Variants in FHL1 observed in about 807,000 individuals in gnomAD.
The protein encoded by FHL1 is four and a half LIM domains 1.
FHL1 carries 1 observed loss-of-function variant against 20.3 expected under a neutral mutation model. The observed-to-expected ratio is 0.05, with a 90% confidence interval of 0.02 to 0.23. The LOEUF (loss-of-function observed/expected upper bound fraction) is 0.23, where lower values mean the gene tolerates loss of function less well. FHL1 is among the 10% of genes least tolerant of loss of function. The pLI, the probability that FHL1 is intolerant of heterozygous loss-of-function variation, is 1.00. For missense variants in FHL1, 177 were observed against 234.0 expected (o/e 0.76, Z 1.59); for synonymous variants, 82 against 88.9 (o/e 0.92, Z 0.44).
At position 136,197,150 on chromosome X, in the gene FHL1, C is replaced by G. The variant is rs753175087; in HGVS notation, c.22+16C>G. 1.7e-6 allele frequency: 2 copies of G among 1,202,879 alleles called. No homozygotes were observed. The highest frequency in any genetic ancestry group is 3.6e-5 in the South Asian group (2 of 56,195). On this transcript the variant is annotated intron_variant, in intron 1 of 5. Coordinates refer to ENST00000370683, the MANE Select transcript of FHL1 (RefSeq NM_001159699.2). ...AGACACTCAGGTAAAACTTCATGCT[C>G]TTTATCTTATATTGAGCACAGTTTT...
chrX:136,208,061 C>A, intron 4 of FHL1, 100 bp downstream of exon 4: 1 of 988,392 alleles, frequency 1.0e-6, no homozygotes, highest in Non-Finnish European at 1.4e-6. Context: ...ATCCTCACGA[C>A]AGCCCTGTGA....
At chrX:136,201,124 A>G (rs1326522828) in intron 1 of FHL1, among the ~76,000 whole-genome samples, 1 of 112,227 alleles carries the variant, frequency 8.9e-6, no homozygotes, top group East Asian at 2.8e-4. Flanking sequence ...AGATTGCACC[A>G]TTGCACTGCA....
At chrX:136,163,115 C>G (rs1457192883) in intron 1 of FHL1, among the ~76,000 whole-genome samples, 1 of 112,107 alleles carries the variant, frequency 8.9e-6, no homozygotes, top group African/African-American at 3.2e-5. Context: ...TTTAATCACC[C>G]CACCTCTTAG....
intron 1 of FHL1, among the ~76,000 whole-genome samples, chrX:136,156,049 C>A (rs2072407917): frequency 9.2e-6 from 1 of 109,209 alleles, no homozygotes; most frequent in Non-Finnish European, 1.9e-5. Context: ...AAATGGATTC[C>A]TCTGTATTTA....
upstream of FHL1, among the ~76,000 whole-genome samples, chrX:136,193,912 C>T (rs1391833188): frequency 9.1e-6 from 1 of 110,151 alleles, no homozygotes; most frequent in African/African-American, 3.3e-5. Context: ...CTCTAGCTTT[C>T]GGTCCTACTA....
chrX:136,182,267 A>G (rs899285534), intron 2 of FHL1, among the ~76,000 whole-genome samples: 4 of 112,240 alleles, frequency 3.6e-5, no homozygotes, highest in African/African-American at 1.3e-4. Context: ...TGTTATAGAC[A>G]TAGAATGTTG....
intron 5 of FHL1, chrX:136,209,230 T>C: frequency 1.7e-6 from 2 of 1,195,615 alleles, no homozygotes; most frequent in Non-Finnish European, 2.2e-6. Context: ...GAGAAGACTT[T>C]TGCCATCCTC....
intron 2 of FHL1, among the ~76,000 whole-genome samples, chrX:136,183,543 T>C (rs760214107): frequency 8.9e-6 from 1 of 112,213 alleles, no homozygotes; most frequent in Non-Finnish European, 1.9e-5. Flanking sequence ...TTATGTATTA[T>C]TTTATTAGCG....
rs777450715 is a variant in FHL1 at position 136,154,986 on chromosome X, C to T, written c.-101+7358C>T. On this transcript the variant is annotated intron_variant, in intron 1 of 7. Coordinates refer to the FHL1 transcript ENST00000394155. ...CCTCCCAAAGTGCTGGGATTACAGGCGTGAGCCACCACGCCCGGCCTTAAT... is the reference window on the plus strand; with the variant it reads ...CCTCCCAAAGTGCTGGGATTACAGGTGTGAGCCACCACGCCCGGCCTTAAT... Among the ~76,000 whole-genome samples, 7 of 112,316 alleles carry T rather than the reference C, an allele frequency of 6.2e-5. No individual in the cohort carries two copies. The South Asian group carries it at 1.1e-3, about 18-fold the overall frequency.
chrX:136,196,689 T>A (rs2073563029), upstream of FHL1: 2 of 542,948 alleles, frequency 3.7e-6, no homozygotes, highest in East Asian at 7.3e-5. Flanking sequence ...AGCACAAAAA[T>A]GTATTATTTA....
chrX:136,196,509 C>T (rs1461770102), upstream of FHL1, among the ~76,000 whole-genome samples: 3 of 111,210 alleles, frequency 2.7e-5, no homozygotes, highest in African/African-American at 6.6e-5. Flanking sequence ...GGGGAGATTA[C>T]GATCACTCTC....
intron 2 of FHL1, among the ~76,000 whole-genome samples, chrX:136,206,790 CCCTTG>C (rs2073852244): frequency 2.6e-5 from 3 of 113,457 alleles, no homozygotes; most frequent in South Asian, 7.1e-4. Flanking sequence ...GGCGCCAGCG[CCCTTG>C]CCAGCTCTTT....
At chrX:136,159,786 C>G (rs1451353660) in intron 1 of FHL1, among the ~76,000 whole-genome samples, 2 of 111,834 alleles carry the variant, frequency 1.8e-5, no homozygotes, top group African/African-American at 3.3e-5. Flanking sequence ...ATCATGCCAT[C>G]TTTGCAGTGG....
At chrX:136,201,008 A>C (rs1286058487) in intron 1 of FHL1, among the ~76,000 whole-genome samples, 2 of 111,115 alleles carry the variant, frequency 1.8e-5, no homozygotes, top group Non-Finnish European at 3.8e-5. Context: ...TACTAAAAAT[A>C]CAAAAATTAG....
upstream of FHL1, among the ~76,000 whole-genome samples, chrX:136,196,488 G>A (rs1202453749): frequency 1.8e-5 from 2 of 111,408 alleles, no homozygotes; most frequent in African/African-American, 3.3e-5. Flanking sequence ...GCTGTCTGCC[G>A]TTAAGGAGGT....
chrX:136,157,112 A>G (rs768440933), intron 1 of FHL1, among the ~76,000 whole-genome samples: 1 of 111,722 alleles, frequency 9.0e-6, no homozygotes, highest in East Asian at 2.8e-4. Context: ...TTGTTTTTCA[A>G]CACGTTCTAG....
rs1603271708 is a variant in FHL1 at position 136,207,922 on chromosome X, T to C, written c.510T>C (p.His170=). 2 of 1,212,367 alleles carry C rather than the reference T, an allele frequency of 1.6e-6. No individual in the cohort carries two copies. The highest frequency in any genetic ancestry group is 2.2e-6 in the Non-Finnish European group (2 of 895,592). Reference sequence around the variant, plus strand: ...AGGACTTCTACTGCGTGACTTGCCATGAGACCAAGTTTGCCAAGCATTGCG... The same window carrying C: ...AGGACTTCTACTGCGTGACTTGCCACGAGACCAAGTTTGCCAAGCATTGCG... The part of the protein sequence containing the change: ...KGEDFYCVTC[H]ETKFAKHCVK... The change falls in exon 4 of 6, where the codon CAT becomes CAC. Residue 170 remains histidine (H), a synonymous_variant. Coordinates refer to ENST00000370683, the MANE Select transcript of FHL1 (RefSeq NM_001159699.2).
upstream of FHL1, among the ~76,000 whole-genome samples, chrX:136,166,643 A>C (rs1317133513): frequency 8.9e-6 from 1 of 111,794 alleles, no homozygotes; most frequent in Non-Finnish European, 1.9e-5. Context: ...TATGAATTGT[A>C]CTCATCTCTA....
At chrX:136,150,375 C>G (rs1403779099) in intron 1 of FHL1, among the ~76,000 whole-genome samples, 2 of 111,641 alleles carry the variant, frequency 1.8e-5, no homozygotes, top group Non-Finnish European at 3.8e-5. Context: ...CTTTCTCCCC[C>G]GTCCGGTGCC....
Sources: gnomAD v4.1 joint callset for allele counts (sites outside exome capture counted in the v4.1 genomes callset) on GRCh38, gnomAD v4.1.1 for gene constraint, MANE v1.5 for transcripts, NCBI Gene and HGNC (gene_info 2026-07-23, HGNC 2026-07-21) for gene names.